EYS: variants seen among roughly 807,000 people sequenced by gnomAD.
The protein encoded by EYS is protein eyes shut homolog.
A neutral mutation model predicts 282.1 loss-of-function variants in EYS; 250 were observed. That is an observed-to-expected ratio of 0.89 (90% CI 0.80 to 0.98). EYS has a LOEUF of 0.98. EYS is among the 50% of genes least tolerant of loss of function. EYS has a pLI of 0.00. For synonymous variants in EYS, 1,355 were observed against 1,282.9 expected, an observed-to-expected ratio of 1.06 and a Z score of -1.20; for missense variants, 4,016 against 3,709.0, an observed-to-expected ratio of 1.08 and a Z score of -2.15.
intron 15 of EYS, among the ~76,000 whole-genome samples, chr6:64,924,126 G>A (rs1047464064): frequency 3.3e-5 from 5 of 152,268 alleles, no homozygotes; most frequent in Non-Finnish European, 5.9e-5. Flanking sequence ...GCATCCAGGC[G>A]ATTCCATACA....
chr6:65,528,139 T>A (rs891469821), intron 2 of EYS, among the ~76,000 whole-genome samples: 20 of 152,166 alleles, frequency 1.3e-4, no homozygotes, highest in African/African-American at 4.8e-4. Context: ...TTAATATGAA[T>A]TGAGAAAATA....
chr6:65,678,290 G>T (rs9354274), intron 1 of EYS, among the ~76,000 whole-genome samples: 7,725 of 151,928 alleles, frequency 0.051, 448 homozygotes, highest in East Asian at 0.33. Flanking sequence ...CCAACACTGG[G>T]GATTACATTT....
At chr6:65,340,808 G>A (rs1327783466) in intron 10 of EYS, among the ~76,000 whole-genome samples, 1 of 150,998 alleles carries the variant, frequency 6.6e-6, no homozygotes, top group African/African-American at 2.4e-5. Context: ...ATAGTCTGGT[G>A]GTCTTTTGGA....
Position 64,388,696 on chromosome 6 carries a change from T to C in EYS, c.6072A>G (p.Lys2024=). ...FIGGFPDLHG[K]IQMPVPVKNF... is the part of the protein sequence containing the mutation. ...AAAACATCTATAGAAATACCTGGAT[T>C]TTCCCATGAAGGTCTGGAAATCCAC... Residue 2024 remains lysine (K), a synonymous_variant, in exon 29 of 43, where the codon AAA becomes AAG. Coordinates refer to ENST00000503581, the MANE Select transcript of EYS (RefSeq NM_001142800.2). 2 of 1,530,678 alleles carry C rather than the reference T, an allele frequency of 1.3e-6. No individual in the cohort carries two copies. Among genetic ancestry groups the C allele is most frequent in the Non-Finnish European group, 1.8e-6 (2 of 1,138,112 alleles). The allele number at this position is 1,530,678 out of a possible 1,614,324, so 94.8% of individuals were successfully genotyped here.
At chr6:65,418,404 A>C (rs1767322496) in intron 5 of EYS, among the ~76,000 whole-genome samples, 1 of 152,058 alleles carries the variant, frequency 6.6e-6, no homozygotes, top group South Asian at 2.1e-4. Flanking sequence ...TTATTCTGCT[A>C]TAAGGACACA....
chr6:65,227,601 C>T (rs557869107), intron 12 of EYS, among the ~76,000 whole-genome samples: 133 of 152,066 alleles, frequency 8.7e-4, no homozygotes, highest in African/African-American at 3.1e-3. Flanking sequence ...AAAGCAGGAA[C>T]TCAAACAGGT....
At chr6:65,581,753 C>T in intron 2 of EYS, among the ~76,000 whole-genome samples, 1 of 152,026 alleles carries the variant, frequency 6.6e-6, no homozygotes, top group Middle Eastern at 3.4e-3. Flanking sequence ...TAATGAAAAT[C>T]ATTTATAAAA....
At chr6:64,659,909 C>A (rs113401859) in intron 22 of EYS, among the ~76,000 whole-genome samples, 97,228 of 151,894 alleles carry the variant, frequency 0.64, 31,344 homozygotes, top group African/African-American at 0.71. Context: ...ATCCTGATAC[C>A]AAAGCCTGGC....
chr6:64,961,499 A>G (rs1156860608), intron 14 of EYS, among the ~76,000 whole-genome samples: 2 of 152,068 alleles, frequency 1.3e-5, no homozygotes, highest in Admixed American at 1.3e-4. Flanking sequence ...CATAAATTGT[A>G]TATTTGTATA....
chr6:65,379,257 G>T (rs372670958), intron 8 of EYS, among the ~76,000 whole-genome samples: 45 of 152,090 alleles, frequency 3.0e-4, no homozygotes, highest in African/African-American at 1.0e-3. Flanking sequence ...ACATCAAAAA[G>T]CTTATCCACC....
chr6:63,810,061 G>C (rs1771004045), intron 36 of EYS, among the ~76,000 whole-genome samples: 1 of 147,270 alleles, frequency 6.8e-6, no homozygotes, highest in Non-Finnish European at 1.5e-5. Context: ...CTAACACCGT[G>C]AAACCCCGCC....
chr6:65,633,097 G>A (rs1367153108), intron 2 of EYS, among the ~76,000 whole-genome samples: 1 of 152,120 alleles, frequency 6.6e-6, no homozygotes, highest in African/African-American at 2.4e-5. Context: ...TATTTTTCTT[G>A]CTACCACAAC....
At position 65,271,128 on chromosome 6, in the gene EYS, T is replaced by TTA. The variant is rs70999188; in HGVS notation, c.2023+24733_2023+24734dup. On this transcript the variant is annotated intron_variant, in intron 12 of 42. Transcript: ENST00000503581. ...TCTCCAGAGAAACAGAATCAATAGA[T>TTA]TATATATATATATATATATATATAT... Among the ~76,000 whole-genome samples, 380 of 55,774 alleles carry TTA rather than the reference T, an allele frequency of 6.8e-3. 17 individuals are homozygous for TTA. Among genetic ancestry groups the TTA allele is most frequent in the Middle Eastern group, 0.029 (3 of 102 alleles). 36.6% of individuals were successfully genotyped at this position (55,774 alleles called of 152,430 possible).
At chr6:64,635,853 G>A (rs1461519182) in intron 22 of EYS, among the ~76,000 whole-genome samples, 2 of 152,142 alleles carry the variant, frequency 1.3e-5, no homozygotes, top group Non-Finnish European at 1.5e-5. Flanking sequence ...GAGTTAGGGA[G>A]GATTCCCGCT....
intron 26 of EYS, among the ~76,000 whole-genome samples, chr6:64,550,547 T>C (rs1335487607): frequency 6.6e-6 from 1 of 152,162 alleles, no homozygotes; most frequent in Non-Finnish European, 1.5e-5. Context: ...CTTTCAAAAC[T>C]GGCACAAGAC....
chr6:64,839,908 C>A (rs2812789), intron 19 of EYS, among the ~76,000 whole-genome samples: 84,345 of 151,500 alleles, frequency 0.56, 24,160 homozygotes, highest in Non-Finnish European at 0.62. Context: ...CCCCCCAAAT[C>A]CCCACCTCTT....
chr6:65,449,712 A>G (rs1301968842), intron 5 of EYS, among the ~76,000 whole-genome samples: 2 of 152,026 alleles, frequency 1.3e-5, no homozygotes, highest in Non-Finnish European at 2.9e-5. Context: ...CGAAGAAAGG[A>G]CCTTGTTCAT....
At chr6:64,032,083 A>G (rs1403665248) in intron 33 of EYS, among the ~76,000 whole-genome samples, 2 of 151,972 alleles carry the variant, frequency 1.3e-5, no homozygotes, top group African/African-American at 2.4e-5. Context: ...CCACGAACTC[A>G]CCGGGAGGAA....
intron 19 of EYS, among the ~76,000 whole-genome samples, chr6:64,834,882 C>T (rs1256398390): frequency 6.6e-6 from 1 of 151,554 alleles, no homozygotes; most frequent in Non-Finnish European, 1.5e-5. Context: ...TGATGTTAAC[C>T]ACAGGAAATA....
Sources: allele counts gnomAD v4.1 joint callset (sites outside exome capture counted in the v4.1 genomes callset), GRCh38; gene constraint gnomAD v4.1.1; transcripts MANE v1.5; gene names NCBI Gene and HGNC (gene_info 2026-07-23, HGNC 2026-07-21).